CAT: variants seen among roughly 807,000 people sequenced by gnomAD.
The protein encoded by CAT is epididymis secretory sperm binding protein.
CAT carries 43 observed loss-of-function variants against 59.0 expected under a neutral mutation model. That is an observed-to-expected ratio of 0.73 (90% CI 0.57 to 0.94). CAT has a LOEUF of 0.94. CAT is among the 40% of genes least tolerant of loss of function. The pLI, the probability that CAT is intolerant of heterozygous loss-of-function variation, is 0.00. For missense variants in CAT, 664 were observed against 682.9 expected (o/e 0.97, Z 0.31); for synonymous variants, 218 against 230.9 (o/e 0.94, Z 0.51).
intron 8 of CAT, among the ~76,000 whole-genome samples, chr11:34,458,313 A>G (rs775176594): frequency 1.4e-4 from 21 of 152,206 alleles, no homozygotes; most frequent in Admixed American, 8.5e-4. Flanking sequence ...CATTGAGTAT[A>G]TGTCAGAGGG....
At position 34,456,178 on chromosome 11, in the gene CAT, A is replaced by G. The variant is rs766274722; in HGVS notation, c.879A>G (p.Pro293=). 13 of 1,613,842 alleles carry G rather than the reference A, an allele frequency of 8.1e-6. No homozygotes were observed. The highest frequency in any genetic ancestry group is 2.2e-5 in the South Asian group (2 of 91,084). Residue 293 remains proline (P), a synonymous_variant, in exon 7 of 13, where the codon CCA becomes CCG. Transcript: ENST00000241052. ...CATTTAATCAGGCAGAAACTTTTCC[A>G]TTTAATCCATTCGATCTCACCAAGG... ...VMTFNQAETF[P]FNPFDLTKVW...
intron 10 of CAT, among the ~76,000 whole-genome samples, chr11:34,466,563 G>T (rs910115500): frequency 6.6e-6 from 1 of 151,920 alleles, no homozygotes; most frequent in South Asian, 2.1e-4. Context: ...GGATCACGAG[G>T]TCAGGAGATC....
intron 6 of CAT, among the ~76,000 whole-genome samples, chr11:34,454,597 A>C (rs1172673511): frequency 6.6e-6 from 1 of 152,194 alleles, no homozygotes; most frequent in Non-Finnish European, 1.5e-5. Context: ...ATTTTCTTCT[A>C]TCCTGCTTTC....
chr11:34,441,868 C>T (rs1184162659), intron 1 of CAT, among the ~76,000 whole-genome samples: 1 of 152,170 alleles, frequency 6.6e-6, no homozygotes, highest in African/African-American at 2.4e-5. Flanking sequence ...TTTTATTTCT[C>T]TTAGGAAATA....
Position 34,464,842 on chromosome 11 carries a change from C to CT in CAT, c.1326+618dup, listed in dbSNP as rs560050987. On this transcript the variant is annotated intron_variant, in intron 10 of 12. Transcript: ENST00000241052. ...TTTATGGCGTCTTTCTCCATTATTA[C>CT]TTTTTTTTTTTGGACCACCTTTTAC... Among the ~76,000 whole-genome samples, 1,229 of 147,590 alleles carry CT rather than the reference C, an allele frequency of 8.3e-3. 3 individuals carry two copies. Among genetic ancestry groups the CT allele is most frequent in the Non-Finnish European group, 0.014 (900 of 66,512 alleles).
intron 1 of CAT, among the ~76,000 whole-genome samples, chr11:34,446,103 T>A (rs1856451030): frequency 6.6e-6 from 1 of 152,174 alleles, no homozygotes; most frequent in African/African-American, 2.4e-5. Flanking sequence ...TACTCTATCT[T>A]TCAGTTTAGA....
chr11:34,449,038 A>G lies in CAT; in HGVS notation c.67-154A>G, dbSNP rs190668616. On this transcript the variant is annotated intron_variant, in intron 1 of 12. Coordinates refer to ENST00000241052, the MANE Select transcript of CAT (RefSeq NM_001752.4). ...GGGGCATCACTAAAAGTTTCAGGCA[A>G]TGGCCCATCCTGTCAGATTTTAGTA... is the stretch of plus-strand genomic sequence containing the variant. 8.6e-4 allele frequency among the ~76,000 whole-genome samples: 131 copies of G among 152,320 alleles called. 1 individual carries two copies. Among genetic ancestry groups the G allele is most frequent in the Non-Finnish European group, 1.4e-3 (98 of 68,030 alleles).
intron 10 of CAT, among the ~76,000 whole-genome samples, chr11:34,467,369 A>T (rs1856730776): frequency 6.6e-6 from 1 of 152,214 alleles, no homozygotes; most frequent in African/African-American, 2.4e-5. Flanking sequence ...CTTTGATTAG[A>T]TTGTGTTAAT....
At chr11:34,453,607 T>C (rs541428717) in intron 5 of CAT, among the ~76,000 whole-genome samples, 194 bp from the exon 6 acceptor site, 1 of 152,338 alleles carries the variant, frequency 6.6e-6, no homozygotes, top group South Asian at 2.1e-4. Context: ...GTGATTTGCA[T>C]ATCATTTTGA....
chr11:34,445,039 C>A (rs1433156739), intron 1 of CAT, among the ~76,000 whole-genome samples: 1 of 152,064 alleles, frequency 6.6e-6, no homozygotes, highest in Admixed American at 6.5e-5. Context: ...CTTCCTCCTG[C>A]TTGTTAGAAA....
At chr11:34,463,436 G>A (rs1856675235) in intron 9 of CAT, among the ~76,000 whole-genome samples, 1 of 152,150 alleles carries the variant, frequency 6.6e-6, no homozygotes, top group African/African-American at 2.4e-5. Flanking sequence ...TGTCAGTAAA[G>A]GAGAGATACC....
chr11:34,457,366 C>A (rs1387369931), intron 8 of CAT, among the ~76,000 whole-genome samples: 2 of 151,828 alleles, frequency 1.3e-5, no homozygotes, highest in Non-Finnish European at 2.9e-5. Context: ...GCCACCATGC[C>A]CAGCTAATTT....
rs1473846840 is a variant in CAT, at chr11:34,451,010, C to G, written c.261C>G (p.Val87=). The G allele has an allele frequency of 1.2e-6, 2 of 1,612,452 alleles. No individual in the cohort carries two copies. The highest frequency in any genetic ancestry group is 3.3e-5 in the Admixed American group (2 of 59,986). The change falls in exon 3 of 13, where the codon GTC becomes GTG. Residue 87 remains valine (V), a synonymous_variant. Coordinates refer to ENST00000241052, the MANE Select transcript of CAT (RefSeq NM_001752.4). ...TAGGGGCCTTTGGCTACTTTGAGGT[C>G]ACACATGACATTACCAAATACTCCA... ...KGAGAFGYFE[V]THDITKYSKA...
intron 2 of CAT, among the ~76,000 whole-genome samples, chr11:34,450,601 G>A (rs1010415780): frequency 2.6e-5 from 4 of 152,040 alleles, no homozygotes; most frequent in African/African-American, 9.7e-5. Context: ...TTGTATCATC[G>A]TTGCTAAGTG....
Position 34,471,627 on chromosome 11 carries a change from T to G in CAT, c.*194T>G. On this transcript the variant is annotated 3_prime_UTR_variant, in exon 13 of 13. Coordinates refer to ENST00000241052, the MANE Select transcript of CAT (RefSeq NM_001752.4). ...CCAGGGGAAAATGAAGGTTAGGATT[T>G]AACAGTCATTTAAAAAAAAAATTTG... 1 of 600,352 alleles carries G rather than the reference T, an allele frequency of 1.7e-6. No individual in the cohort carries two copies. Among genetic ancestry groups the G allele is most frequent in the Non-Finnish European group, 3.0e-6 (1 of 336,490 alleles). 37.2% of individuals were successfully genotyped at this position (600,352 alleles called of 1,614,324 possible).
chr11:34,470,687 T>G, intron 11 of CAT: 1 of 469,822 alleles, frequency 2.1e-6, no homozygotes, highest in Non-Finnish European at 3.9e-6. Flanking sequence ...ATTATACTGA[T>G]TAGGTGTCAT....
intron 7 of CAT, 63 bp from the exon 8 acceptor site, chr11:34,456,602 G>T: frequency 6.9e-7 from 1 of 1,451,982 alleles, no homozygotes; most frequent in Non-Finnish European, 9.7e-7. Flanking sequence ...TGGTATTTTT[G>T]TGGGTAGCTT....
At chr11:34,447,009 G>A (rs1321344393) in intron 1 of CAT, among the ~76,000 whole-genome samples, 1 of 152,180 alleles carries the variant, frequency 6.6e-6, no homozygotes, top group East Asian at 1.9e-4. Context: ...CTCCCGAAGT[G>A]TTGGGATTAC....
At chr11:34,461,615 T>C (rs985250009) in intron 9 of CAT, among the ~76,000 whole-genome samples, 3 of 152,234 alleles carry the variant, frequency 2.0e-5, no homozygotes, top group Non-Finnish European at 4.4e-5. Context: ...TTATTGAGCA[T>C]TTCCACCTCA....
Sources: allele counts gnomAD v4.1 joint callset (sites outside exome capture counted in the v4.1 genomes callset), GRCh38; gene constraint gnomAD v4.1.1; transcripts MANE v1.5; gene names NCBI Gene and HGNC (gene_info 2026-07-23, HGNC 2026-07-21).